DCAF7: variants seen among roughly 807,000 people sequenced by gnomAD.
The protein encoded by DCAF7 is DDB1- and CUL4-associated factor 7.
DCAF7 carries 4 observed loss-of-function variants against 41.2 expected under a neutral mutation model. That is an observed-to-expected ratio of 0.10 (90% CI 0.05 to 0.22). The LOEUF is 0.22. Among genes scored for constraint, DCAF7 ranks in the 10% least tolerant of loss-of-function variants. The probability of loss-of-function intolerance (pLI) is 1.00; values close to 1 mark genes in which losing one functional copy is unlikely to be tolerated. For synonymous variants in DCAF7, 143 were observed against 164.2 expected (o/e 0.87, Z 0.99); for missense variants, 131 against 443.2 (o/e 0.30, Z 6.32).
intron 1 of DCAF7, among the ~76,000 whole-genome samples, chr17:63,568,698 G>A (rs1285406815): frequency 6.6e-6 from 1 of 152,220 alleles, no homozygotes; most frequent in Non-Finnish European, 1.5e-5. Flanking sequence ...ATTCAAGGGA[G>A]TTGGAGAATC....
intron 1 of DCAF7, among the ~76,000 whole-genome samples, chr17:63,552,043 A>G (rs1158443690): frequency 6.6e-6 from 1 of 151,238 alleles, no homozygotes; most frequent in East Asian, 1.9e-4. Flanking sequence ...GCGCCACTGC[A>G]CTCCAGCCTG....
At chr17:63,562,860 A>G (rs532869778) in intron 1 of DCAF7, among the ~76,000 whole-genome samples, 99 of 149,196 alleles carry the variant, frequency 6.6e-4, no homozygotes, top group Non-Finnish European at 1.1e-3. Flanking sequence ...GTCTTGCTCT[A>G]TGAGCTGGGC....
chr17:63,551,137 C>G (rs1366351036), intron 1 of DCAF7, among the ~76,000 whole-genome samples: 1 of 152,174 alleles, frequency 6.6e-6, no homozygotes, highest in Non-Finnish European at 1.5e-5. Context: ...TTATTCATCC[C>G]GTGCTCTCCA....
chr17:63,588,539 A>G (rs1185183271), intron 6 of DCAF7, among the ~76,000 whole-genome samples: 2 of 152,016 alleles, frequency 1.3e-5, no homozygotes, highest in Admixed American at 1.3e-4. Context: ...CTACTTTATC[A>G]GTCTTCTATA....
chr17:63,570,327 A>G (rs2033492492), intron 1 of DCAF7, among the ~76,000 whole-genome samples: 1 of 151,914 alleles, frequency 6.6e-6, no homozygotes, highest in Non-Finnish European at 1.5e-5. Flanking sequence ...GGTGGTATGC[A>G]CCTGTAATCC....
At chr17:63,575,418 AG>A (rs2033551204) in intron 1 of DCAF7, among the ~76,000 whole-genome samples, 2 of 152,150 alleles carry the variant, frequency 1.3e-5, no homozygotes, top group Non-Finnish European at 2.9e-5. Flanking sequence ...AAATTAAGGC[AG>A]CCGGGCGTAG....
In DCAF7 at chr17:63,579,805, C is replaced by T. The variant is rs763506773; in HGVS notation, c.410-20C>T. ...AGAACCTTGGTCCCGTCAGCCCTGA[C>T]TTGCACTGGTTGTTTGCAGGTACCT... On this transcript the variant is annotated intron_variant, in intron 3 of 6. Coordinates refer to ENST00000614556, the MANE Select transcript of DCAF7 (RefSeq NM_005828.5). 1.2e-6 allele frequency: 2 copies of T among 1,604,694 alleles called. No individual in the cohort carries two copies.
chr17:63,562,628 G>A (rs981217757), intron 1 of DCAF7, among the ~76,000 whole-genome samples: 5 of 150,418 alleles, frequency 3.3e-5, no homozygotes, highest in African/African-American at 9.8e-5. Flanking sequence ...ATGCTGGTGC[G>A]CTGCACCCAC....
chr17:63,586,472 AAAG>A (rs1478731956), intron 6 of DCAF7, among the ~76,000 whole-genome samples: 2 of 152,150 alleles, frequency 1.3e-5, no homozygotes, highest in Admixed American at 1.3e-4. Context: ...AATTTTAAAA[AAAG>A]AAAAGAAAGG....
chr17:63,570,271 C>A (rs929751823), intron 1 of DCAF7, among the ~76,000 whole-genome samples: 1 of 151,618 alleles, frequency 6.6e-6, no homozygotes, highest in African/African-American at 2.4e-5. Flanking sequence ...CTGGGCAACG[C>A]AGCAAAACCC....
chr17:63,581,750 A>G (rs970446525), intron 4 of DCAF7, among the ~76,000 whole-genome samples: 5 of 152,242 alleles, frequency 3.3e-5, no homozygotes, highest in African/African-American at 1.2e-4. Flanking sequence ...TTGAAGGAAT[A>G]AACCTGAGAA....
At position 63,589,619 on chromosome 17, in the gene DCAF7, A is replaced by C. The variant is rs1052542334; in HGVS notation, c.*447A>C. The C allele has an allele frequency of 5.0e-6, 1 of 200,130 alleles. No individual in the cohort carries two copies. The highest frequency in any genetic ancestry group is 5.5e-5 in the Admixed American group (1 of 18,174). 12.4% of individuals were successfully genotyped at this position (200,130 alleles called of 1,614,324 possible). A position where few individuals can be genotyped will look rare whatever the true frequency, so the allele number is the denominator to read the frequency against. On this transcript the variant is annotated 3_prime_UTR_variant, in exon 7 of 7. Coordinates refer to ENST00000614556, the MANE Select transcript of DCAF7 (RefSeq NM_005828.5). ...CAAATACCAATTTGTCTTTTCTCCT[A>C]GTATCAGTGTGTTTAACAAATTTTA... is the stretch of plus-strand genomic sequence containing the variant.
chr17:63,560,876 A>G (rs1008628064), intron 1 of DCAF7, among the ~76,000 whole-genome samples: 10 of 152,278 alleles, frequency 6.6e-5, no homozygotes, highest in Admixed American at 3.9e-4. Context: ...CAGGCATGAT[A>G]ATATTAACAT....
chr17:63,562,799 C>T (rs906750608), intron 1 of DCAF7, among the ~76,000 whole-genome samples: 2 of 147,618 alleles, frequency 1.4e-5, no homozygotes, highest in Admixed American at 6.8e-5. Flanking sequence ...GAACAAAAAA[C>T]CAAACACCGC....
intron 1 of DCAF7, among the ~76,000 whole-genome samples, chr17:63,565,983 C>T (rs1303168080): frequency 6.6e-6 from 1 of 151,976 alleles, no homozygotes; most frequent in African/African-American, 2.4e-5. Flanking sequence ...TACCTATAAT[C>T]CTAGCTACTC....
At position 63,552,935 on chromosome 17, in the gene DCAF7, A is replaced by G. The variant is rs367709593; in HGVS notation, c.138+2120A>G. 7.2e-5 allele frequency among the ~76,000 whole-genome samples: 11 copies of G among 152,354 alleles called. No homozygotes were observed. The South Asian group carries it at 1.7e-3, about 23-fold the overall frequency. On this transcript the variant is annotated intron_variant, in intron 1 of 6. Transcript: ENST00000614556. ...AGCAGTTAACTATATCTTAACTCAC[A>G]TGATGTAGGCAATGCGCTGTCTTAA...
At chr17:63,581,436 A>G (rs2033621643) in intron 4 of DCAF7, among the ~76,000 whole-genome samples, 1 of 152,246 alleles carries the variant, frequency 6.6e-6, no homozygotes, top group African/African-American at 2.4e-5. Context: ...AGCTGCCTAT[A>G]GGCCAGAGGG....
intron 1 of DCAF7, among the ~76,000 whole-genome samples, chr17:63,559,102 G>A (rs2033340809): frequency 6.6e-6 from 1 of 150,836 alleles, no homozygotes; most frequent in Non-Finnish European, 1.5e-5. Flanking sequence ...ACGAGGTCAG[G>A]AGTTCGAGAC....
intron 1 of DCAF7, among the ~76,000 whole-genome samples, chr17:63,559,413 ATATATACG>A (rs2033353707): frequency 4.2e-5 from 4 of 95,730 alleles, no homozygotes; most frequent in African/African-American, 2.2e-4. Context: ...ATATATGTAT[ATATATACG>A]TATATATATA....
Sources: allele counts gnomAD v4.1 joint callset (sites outside exome capture counted in the v4.1 genomes callset), GRCh38; gene constraint gnomAD v4.1.1; transcripts MANE v1.5; gene names NCBI Gene and HGNC (gene_info 2026-07-23, HGNC 2026-07-21).